Variants in CREB5 observed in about 807,000 individuals in gnomAD.
CREB5 encodes cAMP responsive element binding protein 5.
In CREB5, 19 loss-of-function variants were observed where a neutral mutation model predicts 57.1. The observed-to-expected ratio is 0.33, with a 90% CI of 0.23 to 0.49. The LOEUF (loss-of-function observed/expected upper bound fraction) is 0.49, where lower values mean the gene tolerates loss of function less well. CREB5 is among the 20% of genes least tolerant of loss of function. The pLI is 0.99. For missense variants in CREB5, 579 were observed against 671.6 expected, an observed-to-expected ratio of 0.86 and a Z score of 1.52; for synonymous variants, 238 against 238.3, an observed-to-expected ratio of 1.00 and a Z score of 0.01.
chr7:28,615,849 C>G (rs542168852), intron 5 of CREB5: 2 of 152,376 alleles, frequency 1.3e-5, no homozygotes, highest in South Asian at 2.1e-4. Context: ...GCCAAAGCCT[C>G]CACAGAGCTG....
intron 5 of CREB5, among the ~76,000 whole-genome samples, chr7:28,682,690 G>T (rs879808426): frequency 1.3e-5 from 2 of 148,822 alleles, no homozygotes; most frequent in African/African-American, 5.0e-5. Flanking sequence ...AGTGGGGGGG[G>T]GGGGAAACCC....
chr7:28,614,728 A>G (rs541951912), intron 5 of CREB5, among the ~76,000 whole-genome samples: 6 of 152,184 alleles, frequency 3.9e-5, no homozygotes, highest in Non-Finnish European at 5.9e-5. Flanking sequence ...TGGAAAATTT[A>G]AAACATGTTA....
intron 5 of CREB5, among the ~76,000 whole-genome samples, chr7:28,640,596 A>G (rs1798616911): frequency 6.6e-6 from 1 of 152,202 alleles, no homozygotes; most frequent in Non-Finnish European, 1.5e-5. Flanking sequence ...AGAAAGAACT[A>G]TGAAAGTTGC....
At chr7:28,571,983 A>C (rs1258899119) in intron 5 of CREB5, among the ~76,000 whole-genome samples, 4 of 152,204 alleles carry the variant, frequency 2.6e-5, no homozygotes, top group African/African-American at 9.6e-5. Context: ...TGGAAGTGAT[A>C]ATTAAAAACT....
intron 7 of CREB5, among the ~76,000 whole-genome samples, chr7:28,792,162 G>GGCA (rs1562644087): frequency 6.6e-6 from 1 of 152,018 alleles, no homozygotes; most frequent in African/African-American, 2.4e-5. Context: ...AAAATTAGTT[G>GGCA]GCATGGTTAC....
chr7:28,743,617 G>A lies in CREB5; in HGVS notation c.702+19285G>A, dbSNP rs1305596259. Among the ~76,000 whole-genome samples the A allele has an allele frequency of 1.1e-4, 17 of 152,222 alleles. No individual in the cohort carries two copies. In the Middle Eastern group the frequency reaches 0.01, roughly 91 times the overall value. ...GTTAGCGATATCCCAACAACATACC[G>A]CAGACTGAGTAGCTTAAACCACAGA... is the stretch of plus-strand genomic sequence containing the variant. On this transcript the variant is annotated intron_variant, in intron 7 of 10. Coordinates refer to ENST00000357727, the MANE Select transcript of CREB5 (RefSeq NM_182898.4).
At chr7:28,482,353 C>G (rs887264647) in intron 1 of CREB5, among the ~76,000 whole-genome samples, 2 of 152,122 alleles carry the variant, frequency 1.3e-5, no homozygotes, top group South Asian at 4.1e-4. Flanking sequence ...GTGTGTGTCC[C>G]CTTGCCCTTC....
rs1316486646 is a variant in CREB5 at position 28,642,617 on chromosome 7, T to A, written c.464+72080T>A. ...AATATCTGTCAAGGAATAAACATGCTGCTCGGCAATGGGGTAATACTTTTT... is the reference window on the plus strand; with the variant it reads ...AATATCTGTCAAGGAATAAACATGCAGCTCGGCAATGGGGTAATACTTTTT... On this transcript the variant is annotated intron_variant, in intron 5 of 10. Transcript: ENST00000357727. Among the ~76,000 whole-genome samples, 3 of 152,202 alleles carry A rather than the reference T, an allele frequency of 2.0e-5. No individual in the cohort carries two copies. In the East Asian group the frequency reaches 5.8e-4, roughly 29 times the overall value.
intron 5 of CREB5, among the ~76,000 whole-genome samples, chr7:28,673,080 G>A (rs367632916): frequency 2.0e-5 from 3 of 152,134 alleles, no homozygotes; most frequent in South Asian, 2.1e-4. Flanking sequence ...TAGACCCAGT[G>A]CCACTACTGT....
chr7:28,584,853 G>C (rs1210473746), intron 5 of CREB5, among the ~76,000 whole-genome samples: 4 of 151,170 alleles, frequency 2.6e-5, no homozygotes, highest in Non-Finnish European at 5.9e-5. Context: ...AATACATTAA[G>C]AGAAAAAGCC....
intron 1 of CREB5, among the ~76,000 whole-genome samples, chr7:28,477,996 G>A (rs1187363241): frequency 6.6e-6 from 1 of 151,992 alleles, no homozygotes; most frequent in Non-Finnish European, 1.5e-5. Context: ...CACCTGTGGT[G>A]TCCCAACTAT....
chr7:28,611,255 G>A (rs537355460), intron 5 of CREB5, among the ~76,000 whole-genome samples: 65 of 151,868 alleles, frequency 4.3e-4, no homozygotes, highest in Non-Finnish European at 8.5e-4. Flanking sequence ...CCAGTAAATC[G>A]CACCCCTGTA....
chr7:28,618,863 T>C (rs1449558672), intron 5 of CREB5, among the ~76,000 whole-genome samples: 1 of 152,130 alleles, frequency 6.6e-6, no homozygotes, highest in Non-Finnish European at 1.5e-5. Context: ...CAATAGGAGG[T>C]TAGGTATGGT....
intron 4 of CREB5, among the ~76,000 whole-genome samples, chr7:28,561,143 CTT>C (rs745902333): frequency 2.0e-4 from 30 of 152,050 alleles, no homozygotes; most frequent in Non-Finnish European, 4.1e-4. Context: ...AGAGTGCTGA[CTT>C]TTTATTTTCT....
chr7:28,702,813 A>C (rs1485933040), intron 5 of CREB5, among the ~76,000 whole-genome samples: 2 of 152,222 alleles, frequency 1.3e-5, no homozygotes, highest in African/African-American at 4.8e-5. Context: ...GGGTCAAAGA[A>C]AATTTTAAGA....
At chr7:28,679,274 A>G (rs998260773) in intron 5 of CREB5, among the ~76,000 whole-genome samples, 1 of 152,168 alleles carries the variant, frequency 6.6e-6, no homozygotes, top group African/African-American at 2.4e-5. Context: ...TCCACTGATT[A>G]TGAAAGTCCC....
chr7:28,692,292 C>T (rs541277815), intron 5 of CREB5, among the ~76,000 whole-genome samples: 3 of 151,890 alleles, frequency 2.0e-5, no homozygotes, highest in Non-Finnish European at 4.4e-5. Flanking sequence ...ACTCCTTTTA[C>T]ATTGGATTGC....
At chr7:28,740,340 G>A (rs942160869) in intron 7 of CREB5, among the ~76,000 whole-genome samples, 1 of 152,288 alleles carries the variant, frequency 6.6e-6, no homozygotes, top group Admixed American at 6.5e-5. Flanking sequence ...AGCAGAATCT[G>A]TTCCATGACC....
chr7:28,560,963 T>TGCGCGTGCGTGCGCGTGC (rs1194418363), intron 4 of CREB5, among the ~76,000 whole-genome samples: 22 of 48,152 alleles, frequency 4.6e-4, no homozygotes, highest in African/African-American at 1.9e-3. Context: ...TGTGTGTGCG[T>TGCGCGTGCGTGCGCGTGC]GTGTGTGTGC....
Sources: gnomAD v4.1 joint callset for allele counts (sites outside exome capture counted in the v4.1 genomes callset) on GRCh38, gnomAD v4.1.1 for gene constraint, MANE v1.5 for transcripts, NCBI Gene and HGNC (gene_info 2026-07-23, HGNC 2026-07-21) for gene names.